Variants in STT3A observed in about 807,000 individuals in gnomAD.
STT3A encodes STT3 oligosaccharyltransferase complex catalytic subunit A, also known as dolichyl-diphosphooligosaccharide--protein glycosyltransferase subunit STT3A.
Under a neutral mutation model 89.2 loss-of-function variants are expected in STT3A, and 34 were observed. The observed-to-expected ratio is 0.38, with a 90% CI of 0.29 to 0.51. The LOEUF (loss-of-function observed/expected upper bound fraction) is 0.51. Among genes scored for constraint, STT3A ranks in the 20% least tolerant of loss-of-function variants. The pLI is 0.89. For missense variants in STT3A, 555 were observed against 889.5 expected (o/e 0.62, Z 4.78); for synonymous variants, 282 against 310.3 (o/e 0.91, Z 0.96).
In STT3A at chr11:125,614,336, A is replaced by G. The variant is rs199831028; in HGVS notation, c.1684A>G (p.Thr562Ala). Residue 562 changes from threonine to alanine, a missense_variant, in exon 15 of 18, where the codon ACA becomes GCA. Transcript: ENST00000392708. The surrounding 1 kb of genome is among the most constrained non-coding windows in gnomAD (Gnocchi z 4.9). ...TTTGTTTTTCCAGGCAATGGCGTCCACAGAGGAAAAAGCCTATGAGATCAT... is the reference window on the plus strand; with the variant it reads ...TTTGTTTTTCCAGGCAATGGCGTCCGCAGAGGAAAAAGCCTATGAGATCAT... Reference protein sequence around the residue: ...ISRVGQAMASTEEKAYEIMRE... With the variant: ...ISRVGQAMASAEEKAYEIMRE... 38 of 1,614,030 alleles carry G rather than the reference A, an allele frequency of 2.4e-5. No homozygotes were observed. Among genetic ancestry groups the G allele is most frequent in the Non-Finnish European group, 3.4e-6 (4 of 1,180,028 alleles).
rs140483632 is a variant in STT3A at position 125,614,332 on chromosome 11, G to A, written c.1680G>A (p.Ala560=). 3.2e-5 allele frequency: 51 copies of A among 1,613,926 alleles called. No individual in the cohort carries two copies. The highest frequency in any genetic ancestry group is 2.8e-4 in the African/African-American group (21 of 74,878). Residue 560 remains alanine, a synonymous_variant, in exon 15 of 18, where the codon GCG becomes GCA. Coordinates refer to ENST00000392708, the MANE Select transcript of STT3A (RefSeq NM_152713.5). The surrounding 1 kb of genome is among the most constrained non-coding windows in gnomAD (Gnocchi z 4.9). ...TACATTTGTTTTTCCAGGCAATGGCGTCCACAGAGGAAAAAGCCTATGAGA... is the reference window on the plus strand; with the variant it reads ...TACATTTGTTTTTCCAGGCAATGGCATCCACAGAGGAAAAAGCCTATGAGA... ...THISRVGQAM[A]STEEKAYEIM... is the part of the protein sequence containing the mutation.
chr11:125,609,879 G>A (rs1939950482), intron 10 of STT3A: 1 of 349,718 alleles, frequency 2.9e-6, no homozygotes, highest in Middle Eastern at 8.3e-4. Context: ...TTTTGTTTGA[G>A]TACTTCTGTC....
In STT3A at chr11:125,620,112, G is replaced by A. The variant is rs1303862081; in HGVS notation, c.2065G>A (p.Val689Ile). The change falls in exon 17 of 18, where the codon GTC becomes ATC. Residue 689 changes from valine (V) to isoleucine (I), a missense_variant. Transcript: ENST00000392708. ...AGCATATACCACAGAACATTGGCTG[G>A]TCAGGATATACAAGGTAAGCAGATG... ...EEAYTTEHWL[V>I]RIYKVKDLDN... 6.2e-7 allele frequency: 1 copy of A among 1,614,002 alleles called. No homozygotes were observed. The highest frequency in any genetic ancestry group is 1.1e-5 in the South Asian group (1 of 91,070).
intron 3 of STT3A, among the ~76,000 whole-genome samples, chr11:125,598,062 A>G (rs1939548173): frequency 6.6e-6 from 1 of 152,156 alleles, no homozygotes; most frequent in Non-Finnish European, 1.5e-5. Flanking sequence ...AAATACAAAA[A>G]TTAGCTGGGC....
At chr11:125,610,298 C>T (rs12282525) in intron 10 of STT3A, among the ~76,000 whole-genome samples, 1 of 152,102 alleles carries the variant, frequency 6.6e-6, no homozygotes, top group African/African-American at 2.4e-5. Context: ...CTCATGGGCT[C>T]AAGCAGTCTG....
intron 3 of STT3A, among the ~76,000 whole-genome samples, chr11:125,599,214 A>G (rs150448565): frequency 6.6e-6 from 1 of 152,276 alleles, no homozygotes; most frequent in Non-Finnish European, 1.5e-5. Context: ...TCTGTTTCTG[A>G]CAGTCACCAA....
In STT3A at chr11:125,613,130, G is replaced by C. The variant is rs1940075851; in HGVS notation, c.1507G>C (p.Asp503His). 6.2e-7 allele frequency: 1 copy of C among 1,613,224 alleles called. No homozygotes were observed. Among genetic ancestry groups the C allele is most frequent in the African/African-American group, 1.3e-5 (1 of 74,860 alleles). The change falls in exon 13 of 18, where the codon GAT becomes CAT. Residue 503 changes from aspartate (D) to histidine (H), a missense_variant. By Grantham distance (81) the Asp-to-His change is moderately conservative. Transcript: ENST00000392708. This position sits in a 1 kb window ranked among gnomAD's most constrained non-coding sequence, Gnocchi z 4.2. ...RGGDGSRIIFDDFREAYYWLR... is the reference protein window; with the variant it reads ...RGGDGSRIIFHDFREAYYWLR... ...TGGGGATGGCAGTAGGATCATATTT[G>C]ATGACTTCCGAGAAGCATATTATTG... is the stretch of plus-strand genomic sequence containing the variant.
rs1940093944 is a variant in STT3A, at chr11:125,613,858, G to A, written c.1555-229G>A. The stretch of plus-strand genomic sequence containing the variant: ...ATGTTAGTATAAAGTGACCTGGGAT[G>A]AAGTGTTGGGAATGTTGGTTTGTTA... On this transcript the variant is annotated intron_variant, in intron 13 of 17. Transcript: ENST00000392708. The surrounding 1 kb of genome is among the most constrained non-coding windows in gnomAD (Gnocchi z 4.2). The A allele has an allele frequency of 8.3e-6, 4 of 484,102 alleles. No individual in the cohort carries two copies. The highest frequency in any genetic ancestry group is 1.5e-5 in the Non-Finnish European group (4 of 265,590). 30.0% of individuals were successfully genotyped at this position (484,102 alleles called of 1,614,324 possible). A position where few individuals can be genotyped will look rare whatever the true frequency, so the allele number is the denominator to read the frequency against.
chr11:125,620,014 G>C lies in STT3A; in HGVS notation c.1967G>C (p.Arg656Pro). The C allele has an allele frequency of 6.2e-7, 1 of 1,613,774 alleles. No homozygotes were observed. Among genetic ancestry groups the C allele is most frequent in the South Asian group, 1.1e-5 (1 of 91,044 alleles). Residue 656 changes from arginine (R) to proline (P), a missense_variant, in exon 17 of 18, where the codon CGT becomes CCT. By Grantham distance (103) the Arg-to-Pro change is moderately radical. Coordinates refer to ENST00000392708, the MANE Select transcript of STT3A (RefSeq NM_152713.5). ...RFGQVYTEAK[R>P]PPGFDRVRNA... is the part of the protein sequence containing the mutation. Reference sequence around the variant, plus strand: ...GTTCTTTTTCATCCCTCTCTAGAGCGTCCTCCAGGCTTTGACCGTGTCCGA... The same window carrying C: ...GTTCTTTTTCATCCCTCTCTAGAGCCTCCTCCAGGCTTTGACCGTGTCCGA...
At chr11:125,606,837 T>G (rs1473651767) in intron 8 of STT3A, among the ~76,000 whole-genome samples, 1 of 152,190 alleles carries the variant, frequency 6.6e-6, no homozygotes, top group African/African-American at 2.4e-5. Flanking sequence ...TTGTAAGTGC[T>G]TCAGGAAGTA....
Position 125,614,136 on chromosome 11 carries a change from T to C in STT3A, c.1604T>C (p.Met535Thr), listed in dbSNP as rs1242507778. ...WWDYGYQITA[M>T]ANRTILVDNN... ...GATTATGGCTATCAGATTACAGCTA[T>C]GGCAAACCGAACAATTTTAGTGGAC... is the stretch of plus-strand genomic sequence containing the variant. Residue 535 changes from methionine (M) to threonine (T), a missense_variant, in exon 14 of 18, where the codon ATG becomes ACG. Met to Thr is a moderately conservative substitution (Grantham distance 81). Coordinates refer to ENST00000392708, the MANE Select transcript of STT3A (RefSeq NM_152713.5). This position sits in a 1 kb window ranked among gnomAD's most constrained non-coding sequence, Gnocchi z 4.9. 2 of 1,614,058 alleles carry C rather than the reference T, an allele frequency of 1.2e-6. No individual in the cohort carries two copies. Among genetic ancestry groups the C allele is most frequent in the Non-Finnish European group, 1.7e-6 (2 of 1,180,030 alleles).
intron 3 of STT3A, among the ~76,000 whole-genome samples, chr11:125,599,722 A>G (rs1239187304): frequency 6.8e-6 from 1 of 147,050 alleles, no homozygotes; most frequent in Non-Finnish European, 1.5e-5. Context: ...CTTTATTTTT[A>G]TTTATTATTA....
At chr11:125,594,302 C>G (rs1010228536) in intron 1 of STT3A, among the ~76,000 whole-genome samples, 3 of 152,140 alleles carry the variant, frequency 2.0e-5, no homozygotes, top group Non-Finnish European at 2.9e-5. Context: ...AAAAGTAGGT[C>G]TGGGCGTGGT....
At chr11:125,606,063 A>G (rs1939825858) in intron 7 of STT3A, 1 of 499,498 alleles carries the variant, frequency 2.0e-6, no homozygotes, top group Non-Finnish European at 3.5e-6. Context: ...TTTGAACTTG[A>G]TTTTATATTT....
At chr11:125,606,214 A>C in intron 7 of STT3A, 87 bp from the exon 8 acceptor site, 1 of 1,232,842 alleles carries the variant, frequency 8.1e-7, no homozygotes, top group Non-Finnish European at 1.1e-6. Flanking sequence ...GTGTTCTTTA[A>C]AGAGTCACAG....
intron 10 of STT3A, chr11:125,610,710 TAATG>T (rs1939981155): frequency 6.6e-6 from 1 of 150,978 alleles, no homozygotes; most frequent in Admixed American, 6.6e-5. Flanking sequence ...ATAATAATAA[TAATG>T]CGCGCACACA....
At chr11:125,592,746 C>T (rs969864230), upstream of STT3A, 10 of 291,556 alleles carry the variant, frequency 3.4e-5, no homozygotes, top group African/African-American at 2.2e-4. Context: ...TTTACGCCTC[C>T]GGATTTGACA....
rs1940095984 is a variant in STT3A at position 125,613,952 on chromosome 11, C to T, written c.1555-135C>T. The T allele has an allele frequency of 1.3e-5, 9 of 710,378 alleles. No homozygotes were observed. In the South Asian group the frequency reaches 1.6e-4, roughly 13 times the overall value. 44.0% of individuals were successfully genotyped at this position (710,378 alleles called of 1,614,324 possible). ...TGCCAGGATTTATTTTCTGGTTTGA[C>T]ATGCATTACTTTGTGAAGAAATTGA... On this transcript the variant is annotated intron_variant, in intron 13 of 17. Coordinates refer to ENST00000392708, the MANE Select transcript of STT3A (RefSeq NM_152713.5). The surrounding 1 kb of genome is among the most constrained non-coding windows in gnomAD (Gnocchi z 4.2).
rs1181618721 is a variant in STT3A at position 125,604,186 on chromosome 11, C to G, written c.447C>G (p.Ala149=). The G allele has an allele frequency of 6.2e-7, 1 of 1,614,052 alleles. No homozygotes were observed. Among genetic ancestry groups the G allele is most frequent in the East Asian group, 2.2e-5 (1 of 44,882 alleles). Residue 149 remains alanine, a synonymous_variant, in exon 6 of 18, where the codon GCC becomes GCG. Transcript: ENST00000392708. ...KDAGAGLLAA[A]MIAVVPGYIS... is the part of the protein sequence containing the mutation. ...CAGGGGCTGGGCTTCTTGCTGCTGCCATGATTGCTGTAGTTCCTGGATATA... is the reference window on the plus strand; with the variant it reads ...CAGGGGCTGGGCTTCTTGCTGCTGCGATGATTGCTGTAGTTCCTGGATATA...
Sources: allele counts gnomAD v4.1 joint callset (sites outside exome capture counted in the v4.1 genomes callset), GRCh38; gene constraint gnomAD v4.1.1; non-coding constraint Gnocchi (gnomAD v3.1); transcripts MANE v1.5; gene names NCBI Gene and HGNC (gene_info 2026-07-23, HGNC 2026-07-21).